Variants in GPC5 observed in about 807,000 individuals in gnomAD.
The protein encoded by GPC5 is glypican-5.
Under a neutral mutation model 53.9 loss-of-function variants are expected in GPC5, and 47 were observed. That is an observed-to-expected ratio of 0.87 (90% CI 0.69 to 1.11). The LOEUF is 1.11. Ranked by LOEUF, GPC5 falls within the 50% of genes most tolerant of loss-of-function variation. The pLI is 0.00. For synonymous variants in GPC5, 286 were observed against 263.3 expected, an observed-to-expected ratio of 1.09 and a Z score of -0.84; for missense variants, 748 against 713.1, an observed-to-expected ratio of 1.05 and a Z score of -0.56.
chr13:91,490,151 A>C (rs1352806736), intron 2 of GPC5, among the ~76,000 whole-genome samples: 1 of 152,162 alleles, frequency 6.6e-6, no homozygotes. Flanking sequence ...AAGAATGAAT[A>C]ATTGGAGAGG....
chr13:91,936,935 C>T (rs1193446671), intron 6 of GPC5, among the ~76,000 whole-genome samples: 1 of 152,000 alleles, frequency 6.6e-6, no homozygotes, highest in Non-Finnish European at 1.5e-5. Context: ...TATCTAAGTA[C>T]TATATGTGAG....
chr13:91,952,161 G>T (rs1012464520), intron 6 of GPC5, among the ~76,000 whole-genome samples: 1 of 146,680 alleles, frequency 6.8e-6, no homozygotes, highest in African/African-American at 2.6e-5. Flanking sequence ...TACCATTTTG[G>T]GTGATCTCTC....
intron 7 of GPC5, among the ~76,000 whole-genome samples, chr13:92,653,156 C>A (rs887832744): frequency 6.6e-6 from 1 of 152,156 alleles, no homozygotes; most frequent in African/African-American, 2.4e-5. Context: ...GCACCAGGTG[C>A]CTAGGCTCAG....
In GPC5 at chr13:92,830,241, CTAAGT is replaced by C. The variant is rs143090943; in HGVS notation, c.1562-36036_1562-36032del. On this transcript the variant is annotated intron_variant, in intron 7 of 7. Transcript: ENST00000377067. ...CATTGTTTTTTTTCGTGTTTTGTGC[CTAAGT>C]TAAGAATGATCTATCATAGCCAAAA... Among the ~76,000 whole-genome samples the C allele has an allele frequency of 9.6e-3, 1,459 of 151,992 alleles. 24 individuals are homozygous for C. The highest frequency in any genetic ancestry group is 0.034 in the African/African-American group (1,406 of 41,464).
intron 7 of GPC5, among the ~76,000 whole-genome samples, chr13:92,189,224 G>A (rs2042205333): frequency 6.6e-6 from 1 of 152,144 alleles, no homozygotes; most frequent in African/African-American, 2.4e-5. Flanking sequence ...AGAACTTTCT[G>A]TTCCTCTTAA....
intron 7 of GPC5, among the ~76,000 whole-genome samples, chr13:92,708,854 C>G (rs1387586746): frequency 9.9e-6 from 1 of 100,678 alleles, no homozygotes; most frequent in African/African-American, 3.2e-5. Context: ...AGCTGGAAAC[C>G]GCCTTTTTTT....
intron 3 of GPC5, among the ~76,000 whole-genome samples, chr13:91,712,897 T>TA (rs59807521): frequency 0.11 from 17,064 of 150,676 alleles, 1,081 homozygotes; most frequent in East Asian, 0.26. Context: ...CAAACAAAAA[T>TA]AAAAAACAAG....
At chr13:91,828,681 G>C (rs991948030) in intron 5 of GPC5, among the ~76,000 whole-genome samples, 2 of 151,938 alleles carry the variant, frequency 1.3e-5, no homozygotes, top group Non-Finnish European at 2.9e-5. Context: ...GGGCCAAACT[G>C]AAGAAGCTCC....
In GPC5 at chr13:91,756,375, C is replaced by T; in HGVS notation, c.1235C>T (p.Ala412Val). 1 of 1,592,420 alleles carries T rather than the reference C, an allele frequency of 6.3e-7. No homozygotes were observed. Among genetic ancestry groups the T allele is most frequent in the Non-Finnish European group, 8.6e-7 (1 of 1,164,386 alleles). ...ADQLCANELA[A>V]ADGLPCWNGE... is the part of the protein sequence containing the mutation. The stretch of plus-strand genomic sequence containing the variant: ...CAGCTTTGTGCTAATGAATTAGCTG[C>T]TGCAGATGGACTTCCCTGCTGGAAT... The change falls in exon 5 of 8, where the codon GCT becomes GTT. Residue 412 changes from alanine to valine, a missense_variant. Ala to Val is a moderately conservative substitution (Grantham distance 64, BLOSUM62 0). Coordinates refer to ENST00000377067, the MANE Select transcript of GPC5 (RefSeq NM_004466.6).
chr13:91,450,019 A>G (rs1881075624), intron 2 of GPC5, among the ~76,000 whole-genome samples: 1 of 152,086 alleles, frequency 6.6e-6, no homozygotes, highest in African/African-American at 2.4e-5. Flanking sequence ...GTACATATAT[A>G]AGTAAATCAC....
At chr13:92,129,819 CAAGA>C (rs1263696961) in intron 6 of GPC5, among the ~76,000 whole-genome samples, 1 of 151,840 alleles carries the variant, frequency 6.6e-6, no homozygotes, top group Non-Finnish European at 1.5e-5. Flanking sequence ...CAGAACAAAA[CAAGA>C]AAGACATGAG....
At chr13:92,296,363 G>A (rs78498549) in intron 7 of GPC5, among the ~76,000 whole-genome samples, 1,557 of 152,170 alleles carry the variant, frequency 0.01, 28 homozygotes, top group Middle Eastern at 0.044. Flanking sequence ...GTAGGGAAGG[G>A]CCACTGGGTG....
intron 5 of GPC5, among the ~76,000 whole-genome samples, chr13:91,800,245 A>C (rs1196118673): frequency 6.6e-6 from 1 of 152,162 alleles, no homozygotes; most frequent in Non-Finnish European, 1.5e-5. Context: ...AGAAAAATAA[A>C]GACACAATAT....
At chr13:91,707,495 C>G (rs907864368) in intron 3 of GPC5, among the ~76,000 whole-genome samples, 1 of 152,100 alleles carries the variant, frequency 6.6e-6, no homozygotes, top group Admixed American at 6.5e-5. Flanking sequence ...TGTTGGCACA[C>G]CTGTGGTCCC....
chr13:91,804,593 G>C (rs764459208), intron 5 of GPC5, among the ~76,000 whole-genome samples: 4 of 152,194 alleles, frequency 2.6e-5, no homozygotes, highest in Non-Finnish European at 5.9e-5. Context: ...TTAAAACAGA[G>C]AGAGGGAGAG....
In GPC5 at chr13:91,406,722, G is replaced by A. The variant is rs181446039; in HGVS notation, c.163+7513G>A. On this transcript the variant is annotated intron_variant, in intron 1 of 7. Coordinates refer to ENST00000377067, the MANE Select transcript of GPC5 (RefSeq NM_004466.6). ...CAATTTCCCCTTCTCCTGGGAGTTC[G>A]CTTGTCATCTTCTCCTTCTGGGTGG... is the stretch of plus-strand genomic sequence containing the variant. Among the ~76,000 whole-genome samples, 238 of 152,168 alleles carry A rather than the reference G, an allele frequency of 1.6e-3. 1 individual carries two copies. Among genetic ancestry groups the A allele is most frequent in the African/African-American group, 5.2e-3 (217 of 41,494 alleles).
chr13:92,607,346 G>A (rs1419154553), intron 7 of GPC5, among the ~76,000 whole-genome samples: 1 of 152,048 alleles, frequency 6.6e-6, no homozygotes, highest in Non-Finnish European at 1.5e-5. Context: ...ATCTACTAGT[G>A]GCAACTTCAA....
chr13:91,730,228 T>C (rs1305046349), intron 4 of GPC5, among the ~76,000 whole-genome samples: 3 of 152,234 alleles, frequency 2.0e-5, no homozygotes, highest in Non-Finnish European at 4.4e-5. Context: ...TTTCTGCTAG[T>C]TGCTTATTTA....
rs1594374406 is a variant in GPC5 at position 92,641,280 on chromosome 13, A to G, written c.1562-225002A>G. ...GGTACCCCGAGAAGGACACCACATC[A>G]CTGCTGCATTATTCCACTTGCAGCT... On this transcript the variant is annotated intron_variant, in intron 7 of 7. Coordinates refer to ENST00000377067, the MANE Select transcript of GPC5 (RefSeq NM_004466.6). 1.3e-5 allele frequency among the ~76,000 whole-genome samples: 2 copies of G among 152,288 alleles called. 1 individual carries two copies. The highest frequency in any genetic ancestry group is 4.8e-5 in the African/African-American group (2 of 41,558).
Sources: allele counts gnomAD v4.1 joint callset (sites outside exome capture counted in the v4.1 genomes callset), GRCh38; gene constraint gnomAD v4.1.1; transcripts MANE v1.5; gene names NCBI Gene and HGNC (gene_info 2026-07-23, HGNC 2026-07-21).